Variants in FHIT observed in about 807,000 individuals in gnomAD.
The protein encoded by FHIT is bis(5'-adenosyl)-triphosphatase.
A neutral mutation model predicts 17.9 loss-of-function variants in FHIT; 19 were observed. The ratio of observed to expected loss-of-function variants is 1.06; its 90% CI spans 0.74 to 1.56. The LOEUF is 1.56. Among genes scored for constraint, FHIT ranks in the 40% most tolerant of loss-of-function variants. The pLI is 0.00. For missense variants in FHIT, 248 were observed against 189.2 expected, an observed-to-expected ratio of 1.31 and a Z score of -1.82; for synonymous variants, 81 against 69.7, an observed-to-expected ratio of 1.16 and a Z score of -0.81.
At chr3:59,893,073 G>C (rs1340639829) in intron 8 of FHIT, among the ~76,000 whole-genome samples, 1 of 152,224 alleles carries the variant, frequency 6.6e-6, no homozygotes, top group African/African-American at 2.4e-5. Context: ...CAGTTGTGTT[G>C]GTCAGTGAAC....
At chr3:60,927,132 T>A (rs1353509905) in intron 3 of FHIT, among the ~76,000 whole-genome samples, 1 of 152,188 alleles carries the variant, frequency 6.6e-6, no homozygotes, top group Non-Finnish European at 1.5e-5. Context: ...GCCGAGTGCC[T>A]GGGATTGCAG....
chr3:60,707,416 G>C (rs1368523733), intron 4 of FHIT, among the ~76,000 whole-genome samples: 3 of 152,180 alleles, frequency 2.0e-5, no homozygotes, highest in Non-Finnish European at 4.4e-5. Context: ...GAACTTAACA[G>C]AGTATTTATT....
At chr3:60,375,331 G>A (rs1369771099) in intron 5 of FHIT, among the ~76,000 whole-genome samples, 3 of 151,516 alleles carry the variant, frequency 2.0e-5, no homozygotes, top group Non-Finnish European at 4.4e-5. Context: ...CACTTTGGAA[G>A]GCTGAGGTGG....
intron 5 of FHIT, among the ~76,000 whole-genome samples, chr3:60,316,039 T>C (rs1709150398): frequency 6.6e-6 from 1 of 152,200 alleles, no homozygotes; most frequent in Non-Finnish European, 1.5e-5. Flanking sequence ...TTCTCAATGA[T>C]GTCTACTGTC....
intron 5 of FHIT, among the ~76,000 whole-genome samples, chr3:60,102,697 C>T (rs768789309): frequency 6.6e-6 from 1 of 152,014 alleles, no homozygotes; most frequent in Non-Finnish European, 1.5e-5. Flanking sequence ...GTCAATAACA[C>T]TCCCCAAGCA....
intron 6 of FHIT, among the ~76,000 whole-genome samples, chr3:60,013,006 A>G (rs1277696194): frequency 6.6e-6 from 1 of 152,208 alleles, no homozygotes; most frequent in Non-Finnish European, 1.5e-5. Flanking sequence ...ACCTGCCTGA[A>G]GGGGACTCAA....
chr3:60,916,017 A>T (rs1227273510), intron 3 of FHIT, among the ~76,000 whole-genome samples: 3 of 152,148 alleles, frequency 2.0e-5, no homozygotes, highest in Non-Finnish European at 2.9e-5. Context: ...CCATGACTAC[A>T]AATAATGGCA....
chr3:59,982,318 C>CA (rs1708690500), intron 7 of FHIT, among the ~76,000 whole-genome samples: 2 of 151,440 alleles, frequency 1.3e-5, no homozygotes, highest in South Asian at 2.1e-4. Context: ...TTTGGGGCAA[C>CA]AAAAAATCCC....
intron 8 of FHIT, among the ~76,000 whole-genome samples, chr3:59,782,422 T>A (rs1410214470): frequency 6.6e-6 from 1 of 152,208 alleles, no homozygotes; most frequent in East Asian, 1.9e-4. Flanking sequence ...CCACAGCCTC[T>A]ACATCCATTA....
At chr3:61,228,847 G>A (rs1483252583) in intron 1 of FHIT, among the ~76,000 whole-genome samples, 1 of 152,132 alleles carries the variant, frequency 6.6e-6, no homozygotes, top group African/African-American at 2.4e-5. Context: ...TACATTCGAT[G>A]GGTCATTCAT....
intron 7 of FHIT, among the ~76,000 whole-genome samples, chr3:59,999,984 A>G (rs1379966120): frequency 2.0e-5 from 3 of 152,182 alleles, no homozygotes; most frequent in African/African-American, 7.2e-5. Context: ...AATGTCACCT[A>G]GTGTCCAGCT....
intron 3 of FHIT, among the ~76,000 whole-genome samples, chr3:61,005,794 G>A (rs994210952): frequency 6.6e-6 from 1 of 152,122 alleles, no homozygotes; most frequent in Non-Finnish European, 1.5e-5. Flanking sequence ...GAACAGCCTG[G>A]AGCACAGCGA....
chr3:61,047,274 T>G (rs2033836060), intron 2 of FHIT, among the ~76,000 whole-genome samples: 1 of 152,202 alleles, frequency 6.6e-6, no homozygotes, highest in African/African-American at 2.4e-5. Flanking sequence ...ATAGGCAACT[T>G]CAGCAAAGTC....
chr3:61,033,742 G>A (rs2033116018), intron 3 of FHIT, among the ~76,000 whole-genome samples: 1 of 152,070 alleles, frequency 6.6e-6, no homozygotes, highest in African/African-American at 2.4e-5. Context: ...CCAACCCCAG[G>A]TCTTTCTTTT....
chr3:59,860,468 T>C (rs1415298954), intron 8 of FHIT, among the ~76,000 whole-genome samples: 3 of 152,178 alleles, frequency 2.0e-5, no homozygotes, highest in Non-Finnish European at 4.4e-5. Context: ...TGGAGAAAAG[T>C]TGAATAAATT....
At chr3:60,452,221 A>T (rs2031796227) in intron 5 of FHIT, among the ~76,000 whole-genome samples, 1 of 152,196 alleles carries the variant, frequency 6.6e-6, no homozygotes, top group Non-Finnish European at 1.5e-5. Context: ...AGCCACACTC[A>T]ATAATAAAAT....
chr3:59,778,372 C>A (rs61140668), intron 8 of FHIT, among the ~76,000 whole-genome samples: 5,719 of 152,248 alleles, frequency 0.038, 151 homozygotes, highest in South Asian at 0.09. Flanking sequence ...ACCCAGGAGG[C>A]CCTGGTAATA....
chr3:60,550,464 A>C (rs2036509333), intron 4 of FHIT, among the ~76,000 whole-genome samples: 1 of 152,210 alleles, frequency 6.6e-6, no homozygotes, highest in African/African-American at 2.4e-5. Flanking sequence ...TCATCAACTT[A>C]TGTCACTAAA....
rs191649248 is a variant in FHIT at position 60,670,122 on chromosome 3, G to A, written c.-17-133143C>T. Among the ~76,000 whole-genome samples, 8 of 152,280 alleles carry A rather than the reference G, an allele frequency of 5.3e-5. No homozygotes were observed. The East Asian group carries it at 9.6e-4, about 18-fold the overall frequency. ...GTTTATGAAGTCCCCTCTCACTCCA[G>A]TAGGGATAAATACTCATTTCTATTC... On this transcript the variant is annotated intron_variant, in intron 4 of 9. Transcript: ENST00000492590.
Sources: allele counts gnomAD v4.1 joint callset (sites outside exome capture counted in the v4.1 genomes callset), GRCh38; gene constraint gnomAD v4.1.1; transcripts MANE v1.5; gene names NCBI Gene and HGNC (gene_info 2026-07-23, HGNC 2026-07-21).